The following CNTNAP4 variants were observed in gnomAD, a reference collection of about 807,000 sequenced individuals.
CNTNAP4 encodes contactin-associated protein-like 4.
CNTNAP4 carries 98 observed loss-of-function variants against 148.4 expected under a neutral mutation model. The observed-to-expected ratio is 0.66, with a 90% CI of 0.56 to 0.78. CNTNAP4 has a LOEUF of 0.78. Among genes scored for constraint, CNTNAP4 ranks in the 30% least tolerant of loss-of-function variants. CNTNAP4 has a pLI of 0.00. For synonymous variants in CNTNAP4, 730 were observed against 565.1 expected (o/e 1.29, Z -4.14); for missense variants, 1,935 against 1,565.6 (o/e 1.24, Z -3.98).
chr16:76,318,746 ATCAT>A (rs1317214095), intron 2 of CNTNAP4, among the ~76,000 whole-genome samples: 3 of 145,944 alleles, frequency 2.1e-5, no homozygotes, highest in African/African-American at 7.6e-5. Flanking sequence ...ATTAATAATA[ATCAT>A]AATAATATTC....
At chr16:76,418,778 C>T (rs1597475178) in intron 3 of CNTNAP4, among the ~76,000 whole-genome samples, 1 of 150,964 alleles carries the variant, frequency 6.6e-6, no homozygotes. Flanking sequence ...TTTGTTGAAA[C>T]CAAAATGCGC....
chr16:76,368,355 A>T (rs978847553), intron 3 of CNTNAP4, among the ~76,000 whole-genome samples: 5 of 152,244 alleles, frequency 3.3e-5, no homozygotes, highest in Admixed American at 1.3e-4. Context: ...AAGTTATTCT[A>T]CTATAAAGAT....
Position 76,411,097 on chromosome 16 carries a change from G to A in CNTNAP4, c.391-16355G>A, listed in dbSNP as rs571526248. Among the ~76,000 whole-genome samples the A allele has an allele frequency of 4.6e-5, 7 of 151,502 alleles. No individual in the cohort carries two copies. In the East Asian group the frequency reaches 7.8e-4, roughly 17 times the overall value. On this transcript the variant is annotated intron_variant, in intron 3 of 23. Coordinates refer to ENST00000611870, the MANE Select transcript of CNTNAP4 (RefSeq NM_033401.5). Reference sequence around the variant, plus strand: ...TAAATAATATATGGCTTCAGAGGCCGTGATGAGGGTCATCAGTTCTGAACT... The same window carrying A: ...TAAATAATATATGGCTTCAGAGGCCATGATGAGGGTCATCAGTTCTGAACT...
At chr16:76,448,644 T>C in intron 5 of CNTNAP4, 123 bp from the exon 6 acceptor site, 1 of 665,582 alleles carries the variant, frequency 1.5e-6, no homozygotes, top group East Asian at 2.9e-5. Context: ...TCCTAGTATT[T>C]GAAACGGAAT....
intron 16 of CNTNAP4, 137 bp from the exon 17 acceptor site, chr16:76,521,902 A>G (rs553869768): frequency 2.6e-6 from 2 of 775,236 alleles, no homozygotes; most frequent in East Asian, 2.5e-5. Flanking sequence ...GTTTCAAACA[A>G]TAGCATTGAA....
At chr16:76,309,598 A>T (rs1461322951) in intron 1 of CNTNAP4, among the ~76,000 whole-genome samples, 3 of 152,208 alleles carry the variant, frequency 2.0e-5, no homozygotes, top group Non-Finnish European at 2.9e-5. Flanking sequence ...CATGGGCAAA[A>T]ATGAGGGAAG....
At chr16:76,389,659 G>A (rs2016797983) in intron 3 of CNTNAP4, among the ~76,000 whole-genome samples, 1 of 151,626 alleles carries the variant, frequency 6.6e-6, no homozygotes, top group Admixed American at 6.6e-5. Context: ...ACAGGGTTTC[G>A]CCATGTTGTC....
At chr16:76,365,686 AG>A (rs569480722) in intron 3 of CNTNAP4, among the ~76,000 whole-genome samples, 31 of 141,378 alleles carry the variant, frequency 2.2e-4, no homozygotes, top group Non-Finnish European at 4.2e-4. Flanking sequence ...TGGGAGACTG[AG>A]GTTGCAGTGA....
chr16:76,481,419 C>G (rs1014699878), intron 12 of CNTNAP4, among the ~76,000 whole-genome samples: 1 of 152,166 alleles, frequency 6.6e-6, no homozygotes, highest in African/African-American at 2.4e-5. Flanking sequence ...GTGGCTCACA[C>G]CTGTAATCCC....
intron 1 of CNTNAP4, among the ~76,000 whole-genome samples, chr16:76,302,051 A>G (rs1038449363): frequency 1.3e-5 from 2 of 152,050 alleles, no homozygotes; most frequent in African/African-American, 4.8e-5. Context: ...AGCTGGCCCA[A>G]GTTTCTGAGA....
At chr16:76,410,115 T>C (rs2078740759) in intron 3 of CNTNAP4, among the ~76,000 whole-genome samples, 1 of 150,334 alleles carries the variant, frequency 6.7e-6, no homozygotes. Flanking sequence ...TTATTTTTTT[T>C]CCAGGTCATA....
At chr16:76,333,879 G>T (rs965797834) in intron 2 of CNTNAP4, among the ~76,000 whole-genome samples, 1 of 143,910 alleles carries the variant, frequency 6.9e-6, no homozygotes, top group Admixed American at 7.5e-5. Context: ...CACCAACAGC[G>T]TAAAAGTGTT....
chr16:76,525,932 A>G (rs373282571), intron 17 of CNTNAP4, among the ~76,000 whole-genome samples: 2 of 150,622 alleles, frequency 1.3e-5, no homozygotes, highest in East Asian at 1.9e-4. Flanking sequence ...TTATTTACAT[A>G]TAGTTCATAT....
In CNTNAP4 at chr16:76,326,527, A is replaced by G. The variant is rs189951629; in HGVS notation, c.196+10004A>G. ...TGTTTATTGCGGCACTATTCACAAT[A>G]GCAAAGACTTGGAACCAATCCAAAT... is the stretch of plus-strand genomic sequence containing the variant. On this transcript the variant is annotated intron_variant, in intron 2 of 23. Transcript: ENST00000611870. Among the ~76,000 whole-genome samples, 187 of 152,324 alleles carry G rather than the reference A, an allele frequency of 1.2e-3. 1 individual carries two copies. Among genetic ancestry groups the G allele is most frequent in the Non-Finnish European group, 2.3e-3 (155 of 68,026 alleles).
At chr16:76,511,062 C>T (rs2083005876) in intron 15 of CNTNAP4, among the ~76,000 whole-genome samples, 1 of 152,122 alleles carries the variant, frequency 6.6e-6, no homozygotes, top group South Asian at 2.1e-4. Context: ...AAGGTATATA[C>T]ACATTTTATA....
intron 3 of CNTNAP4, among the ~76,000 whole-genome samples, chr16:76,403,860 G>A (rs1597435727): frequency 6.6e-6 from 1 of 152,180 alleles, no homozygotes; most frequent in African/African-American, 2.4e-5. Flanking sequence ...AGAATACTAT[G>A]CAGCCATAAG....
chr16:76,375,705 G>A (rs934782775), intron 3 of CNTNAP4, among the ~76,000 whole-genome samples: 1 of 152,156 alleles, frequency 6.6e-6, no homozygotes, highest in Admixed American at 6.5e-5. Flanking sequence ...CAAACATCAT[G>A]AACACATTGT....
At chr16:76,420,604 T>G (rs1256034632) in intron 3 of CNTNAP4, among the ~76,000 whole-genome samples, 1 of 151,896 alleles carries the variant, frequency 6.6e-6, no homozygotes, top group Admixed American at 6.6e-5. Context: ...TGTAAAATAT[T>G]CTCTTCTTTG....
chr16:76,291,397 C>T (rs1407095786), intron 1 of CNTNAP4, among the ~76,000 whole-genome samples: 1 of 152,168 alleles, frequency 6.6e-6, no homozygotes, highest in Admixed American at 6.5e-5. Context: ...TCTATCCCTT[C>T]TTTTTCTCTT....
Sources: gnomAD v4.1 joint callset for allele counts (sites outside exome capture counted in the v4.1 genomes callset) on GRCh38, gnomAD v4.1.1 for gene constraint, MANE v1.5 for transcripts, NCBI Gene and HGNC (gene_info 2026-07-23, HGNC 2026-07-21) for gene names.